Variants in LINGO2 observed in about 807,000 individuals in gnomAD.
LINGO2 encodes the protein leucine rich repeat and Ig domain containing 2.
Under a neutral mutation model 30.6 loss-of-function variants are expected in LINGO2, and 14 were observed. The ratio of observed to expected loss-of-function variants is 0.46; its 90% CI spans 0.30 to 0.72. The LOEUF (loss-of-function observed/expected upper bound fraction) is 0.72. Among genes scored for constraint, LINGO2 ranks in the 30% least tolerant of loss-of-function variants. The probability of loss-of-function intolerance (pLI) is 0.07; values close to 1 mark genes in which losing one functional copy is unlikely to be tolerated. For synonymous variants in LINGO2, 317 were observed against 288.5 expected, an observed-to-expected ratio of 1.10 and a Z score of -1.00; for missense variants, 729 against 751.7, an observed-to-expected ratio of 0.97 and a Z score of 0.35.
downstream of LINGO2, among the ~76,000 whole-genome samples, chr9:27,947,619 T>C (rs1181831481): frequency 6.6e-6 from 1 of 152,198 alleles, no homozygotes; most frequent in African/African-American, 2.4e-5. Context: ...ATATTGTGTG[T>C]ACAGTATTCA....
chr9:28,949,288 A>G, the LINGO2 span, among the ~76,000 whole-genome samples: 1 of 152,158 alleles, frequency 6.6e-6, no homozygotes, highest in Non-Finnish European at 1.5e-5. Context: ...AGAGACACGA[A>G]AAACCCCTCA....
chr9:28,375,241 A>C (rs1218592343), intron 2 of LINGO2, among the ~76,000 whole-genome samples: 1 of 152,174 alleles, frequency 6.6e-6, no homozygotes, highest in African/African-American at 2.4e-5. Context: ...AATGTGGATG[A>C]GCTGTCCAAC....
intron 3 of LINGO2, among the ~76,000 whole-genome samples, chr9:28,306,398 G>A (rs950333241): frequency 4.1e-4 from 63 of 152,116 alleles, no homozygotes; most frequent in Middle Eastern, 6.8e-3. Context: ...AAGACACAAC[G>A]TACCAGAATC....
intron 1 of LINGO2, among the ~76,000 whole-genome samples, chr9:28,556,251 A>C (rs567013100): frequency 3.9e-5 from 6 of 151,962 alleles, no homozygotes; most frequent in Admixed American, 6.6e-5. Context: ...AAAACCCCAT[A>C]GTCTCAGCCC....
At chr9:29,027,136 A>G in the LINGO2 span, among the ~76,000 whole-genome samples, 1 of 152,176 alleles carries the variant, frequency 6.6e-6, no homozygotes, top group Non-Finnish European at 1.5e-5. Flanking sequence ...TATAGTTATT[A>G]TAACAACACA....
At chr9:28,969,097 A>G in the LINGO2 span, among the ~76,000 whole-genome samples, 13 of 152,206 alleles carry the variant, frequency 8.5e-5, no homozygotes, top group African/African-American at 3.1e-4. Context: ...GGTAGAGATC[A>G]CATTTTACTG....
At chr9:27,997,265 G>T (rs906965368) in intron 5 of LINGO2, among the ~76,000 whole-genome samples, 1 of 152,212 alleles carries the variant, frequency 6.6e-6, no homozygotes, top group African/African-American at 2.4e-5. Flanking sequence ...AAAGACTTAA[G>T]ATGTGCACGT....
rs569490204 is a variant in LINGO2, at chr9:28,639,089, C to T, written c.-365+31111G>A. On this transcript the variant is annotated intron_variant, in intron 1 of 5. Transcript: ENST00000379992. ...CATTTCATTATGTACCCAGTAGCCA[C>T]TCAGGAGCAGGTTGTTCAGTTTCCA... 8.3e-4 allele frequency among the ~76,000 whole-genome samples: 127 copies of T among 152,164 alleles called. 2 individuals carry two copies. The highest frequency in any genetic ancestry group is 4.6e-3 in the Admixed American group (71 of 15,272).
the LINGO2 span, among the ~76,000 whole-genome samples, chr9:29,114,978 C>T: frequency 6.6e-6 from 1 of 151,876 alleles, no homozygotes; most frequent in Non-Finnish European, 1.5e-5. Flanking sequence ...TTGTTTTTAC[C>T]TTTTAATTTT....
intron 1 of LINGO2, among the ~76,000 whole-genome samples, chr9:28,497,902 C>T (rs1008458489): frequency 6.6e-6 from 1 of 152,184 alleles, no homozygotes; most frequent in African/African-American, 2.4e-5. Context: ...TGCAGGTCTG[C>T]TGGAGTTTGC....
intron 1 of LINGO2, among the ~76,000 whole-genome samples, chr9:28,638,238 T>A (rs747784300): frequency 6.6e-6 from 1 of 152,198 alleles, no homozygotes; most frequent in South Asian, 2.1e-4. Context: ...TAATTGAGGA[T>A]TTCTGCATCG....
chr9:28,902,266 G>A, the LINGO2 span, among the ~76,000 whole-genome samples: 1 of 152,064 alleles, frequency 6.6e-6, no homozygotes, highest in African/African-American at 2.4e-5. Flanking sequence ...GTATAGCTAT[G>A]CTTATATCAG....
chr9:29,189,047 CGGGCGGGGGGCTG>C, the LINGO2 span, among the ~76,000 whole-genome samples: 4 of 109,184 alleles, frequency 3.7e-5, no homozygotes, highest in African/African-American at 9.7e-5. Flanking sequence ...GGCGGCTGGC[CGGGCGGGGGGCTG>C]ACCCCCCCCA....
intron 4 of LINGO2, among the ~76,000 whole-genome samples, chr9:28,108,663 T>A (rs1826671389): frequency 6.6e-6 from 1 of 152,106 alleles, no homozygotes; most frequent in African/African-American, 2.4e-5. Flanking sequence ...TAGTACAGAA[T>A]GCAACCTGGA....
the LINGO2 span, among the ~76,000 whole-genome samples, chr9:28,872,321 T>G: frequency 6.6e-6 from 1 of 152,096 alleles, no homozygotes; most frequent in Non-Finnish European, 1.5e-5. Flanking sequence ...TTCCTTTTTT[T>G]TTGACATCAA....
the LINGO2 span, among the ~76,000 whole-genome samples, chr9:29,158,868 C>G: frequency 2.7e-5 from 4 of 147,284 alleles, no homozygotes; most frequent in Admixed American, 2.7e-4. Flanking sequence ...AACCCTTATC[C>G]CTCTGAATTC....
At chr9:27,978,840 A>T (rs1820725407) in intron 5 of LINGO2, among the ~76,000 whole-genome samples, 1 of 152,078 alleles carries the variant, frequency 6.6e-6, no homozygotes, top group African/African-American at 2.4e-5. Flanking sequence ...AATGTTGAAA[A>T]ATGGAAAATA....
chr9:29,009,634 C>T, the LINGO2 span, among the ~76,000 whole-genome samples: 1 of 152,070 alleles, frequency 6.6e-6, no homozygotes, highest in Non-Finnish European at 1.5e-5. Context: ...CAATGCCATC[C>T]CCATTAAGCT....
the LINGO2 span, among the ~76,000 whole-genome samples, chr9:29,117,174 T>C: frequency 2.4e-4 from 36 of 152,238 alleles, 1 homozygote; most frequent in Admixed American, 1.4e-3. Context: ...GTAACATAAA[T>C]GATTGTTGAG....
Sources: allele counts gnomAD v4.1 joint callset (sites outside exome capture counted in the v4.1 genomes callset), GRCh38; gene constraint gnomAD v4.1.1; transcripts MANE v1.5; gene names NCBI Gene and HGNC (gene_info 2026-07-23, HGNC 2026-07-21).